The following ST3GAL4 variants were observed in gnomAD, a reference collection of about 807,000 sequenced individuals.
ST3GAL4 encodes CMP-N-acetylneuraminate-beta-galactosamide-alpha-2,3-sialyltransferase 4.
ST3GAL4 carries 24 observed loss-of-function variants against 42.6 expected under a neutral mutation model. That is an observed-to-expected ratio of 0.56 (90% confidence interval 0.41 to 0.79). ST3GAL4 has a LOEUF of 0.79. ST3GAL4 is among the 30% of genes least tolerant of loss of function. ST3GAL4 has a pLI of 0.00. For synonymous variants in ST3GAL4, 135 were observed against 163.2 expected (o/e 0.83, Z 1.32); for missense variants, 311 against 430.8 (o/e 0.72, Z 2.46).
chr11:126,360,487 G>C (rs982926547), intron 1 of ST3GAL4, among the ~76,000 whole-genome samples: 1 of 152,174 alleles, frequency 6.6e-6, no homozygotes, highest in Non-Finnish European at 1.5e-5. Flanking sequence ...GCAGTGGCGC[G>C]ATCTCGGCTA....
intron 9 of ST3GAL4, 100 bp from the exon 10 acceptor site, chr11:126,413,405 C>A: frequency 6.8e-7 from 1 of 1,466,234 alleles, no homozygotes; most frequent in Non-Finnish European, 9.1e-7. Context: ...AGATGGAGAA[C>A]GTTTCCGTGA....
At chr11:126,358,075 C>T (rs575944492) in intron 1 of ST3GAL4, among the ~76,000 whole-genome samples, 90 of 152,350 alleles carry the variant, frequency 5.9e-4, no homozygotes, top group Admixed American at 1.0e-3. Context: ...TCAAGGCAGC[C>T]GCTAGAGCCT....
rs201046515 is a variant in ST3GAL4, at chr11:126,371,138, ATCTAT to A, written c.-61+15305_-61+15309del. Among the ~76,000 whole-genome samples, 799 of 128,294 alleles carry A rather than the reference ATCTAT, an allele frequency of 6.2e-3. 1 individual carries two copies. Among genetic ancestry groups the A allele is most frequent in the Non-Finnish European group, 0.01 (612 of 60,724 alleles). 84.2% of individuals were successfully genotyped at this position (128,294 alleles called of 152,430 possible). A position where few individuals can be genotyped will look rare whatever the true frequency, so the allele number is the denominator to read the frequency against. Reference sequence around the variant, plus strand: ...ATAGAACTAAAGATGTGCTACTATGATCTATTCTATTCTTCCCCACATTCCTTTTT... The same window carrying A: ...ATAGAACTAAAGATGTGCTACTATGATCTATTCTTCCCCACATTCCTTTTT... On this transcript the variant is annotated intron_variant, in intron 1 of 10. Transcript: ENST00000444328.
chr11:126,371,163 C>CTTATTT (rs1555082244), intron 1 of ST3GAL4, among the ~76,000 whole-genome samples: 1 of 59,974 alleles, frequency 1.7e-5, no homozygotes. Flanking sequence ...CCCCACATTC[C>CTTATTT]TTTTTTTTTT....
At chr11:126,403,848 C>A (rs1954113516) in intron 1 of ST3GAL4, among the ~76,000 whole-genome samples, 2 of 152,296 alleles carry the variant, frequency 1.3e-5, no homozygotes, top group Admixed American at 1.3e-4. Context: ...CTGCCCTGCA[C>A]CCCATCTGGC....
Position 126,406,779 on chromosome 11 carries a change from G to T in ST3GAL4, c.102-164G>T. On this transcript the variant is annotated intron_variant, in intron 3 of 10. Coordinates refer to ENST00000444328, the MANE Select transcript of ST3GAL4 (RefSeq NM_001254757.2). The surrounding 1 kb of genome is among the most constrained non-coding windows in gnomAD (Gnocchi z 5.4). ...CACCCAGGGAGTGCAGGGGCAGGAA[G>T]ACCTGGATCCTCAAGGACTTGGGTT... 2.2e-6 allele frequency: 2 copies of T among 925,540 alleles called. No homozygotes were observed. Among genetic ancestry groups the T allele is most frequent in the Non-Finnish European group, 3.3e-6 (2 of 608,700 alleles). The allele number at this position is 925,540 out of a possible 1,614,324, so 57.3% of individuals were successfully genotyped here. A position where few individuals can be genotyped will look rare whatever the true frequency, so the allele number is the denominator to read the frequency against.
In ST3GAL4 at chr11:126,411,958, G is replaced by A. The variant is rs929192315; in HGVS notation, c.772-1547G>A. 1.3e-5 allele frequency among the ~76,000 whole-genome samples: 2 copies of A among 152,062 alleles called. No individual in the cohort carries two copies. Among genetic ancestry groups the A allele is most frequent in the African/African-American group, 4.8e-5 (2 of 41,378 alleles). On this transcript the variant is annotated intron_variant, in intron 9 of 10. Coordinates refer to ENST00000444328, the MANE Select transcript of ST3GAL4 (RefSeq NM_001254757.2). The surrounding 1 kb of genome is among the most constrained non-coding windows in gnomAD (Gnocchi z 6.3). ...CGTCACGTAATCGCATCATATTCAC[G>A]GGCTCCCCACACGCGCAAGGGAGGA...
chr11:126,408,619 C>A, intron 8 of ST3GAL4, 123 bp downstream of exon 8: 1 of 1,233,394 alleles, frequency 8.1e-7, no homozygotes, highest in Non-Finnish European at 1.1e-6. Context: ...CAGCATGAAC[C>A]GGGCTCCCGG....
rs968456481 is a variant in ST3GAL4, at chr11:126,378,244, C to T, written c.-61+22402C>T. On this transcript the variant is annotated intron_variant, in intron 1 of 10. Coordinates refer to ENST00000444328, the MANE Select transcript of ST3GAL4 (RefSeq NM_001254757.2). This position sits in a 1 kb window ranked among gnomAD's most constrained non-coding sequence, Gnocchi z 5.3. ...TCGATAGAAAGGGTCAAAGTGCATCCTATTACCCACGAGTTGGGGGTGATA... is the reference window on the plus strand; with the variant it reads ...TCGATAGAAAGGGTCAAAGTGCATCTTATTACCCACGAGTTGGGGGTGATA... 6.6e-6 allele frequency among the ~76,000 whole-genome samples: 1 copy of T among 152,168 alleles called. No homozygotes were observed. The highest frequency in any genetic ancestry group is 1.5e-5 in the Non-Finnish European group (1 of 68,036).
chr11:126,360,341 A>G (rs146338620), intron 1 of ST3GAL4, among the ~76,000 whole-genome samples: 201 of 152,324 alleles, frequency 1.3e-3, no homozygotes, highest in African/African-American at 4.6e-3. Flanking sequence ...GACTGTGGGT[A>G]TGCGCCACCA....
intron 1 of ST3GAL4, among the ~76,000 whole-genome samples, chr11:126,387,170 A>G (rs1426899612): frequency 6.6e-6 from 1 of 152,150 alleles, no homozygotes; most frequent in Non-Finnish European, 1.5e-5. Context: ...TTGGAGCTAC[A>G]TTGTCTGCTC....
In ST3GAL4 at chr11:126,359,905, G is replaced by C. The variant is rs1157316803; in HGVS notation, c.-61+4063G>C. ...GGCTGCAAGGCAACCACGGCCACAC[G>C]TGGGGAAGGGGAGGGGCCCTATGGG... On this transcript the variant is annotated intron_variant, in intron 1 of 10. Coordinates refer to ENST00000444328, the MANE Select transcript of ST3GAL4 (RefSeq NM_001254757.2). This position sits in a 1 kb window ranked among gnomAD's most constrained non-coding sequence, Gnocchi z 4.8. 6.6e-6 allele frequency among the ~76,000 whole-genome samples: 1 copy of C among 152,246 alleles called. No individual in the cohort carries two copies. The highest frequency in any genetic ancestry group is 1.5e-5 in the Non-Finnish European group (1 of 68,048).
At chr11:126,372,084 G>A (rs10893499) in intron 1 of ST3GAL4, among the ~76,000 whole-genome samples, 25,023 of 152,106 alleles carry the variant, frequency 0.16, 2,217 homozygotes, top group East Asian at 0.36. Context: ...CCTGTTGACC[G>A]TCTTAACCCT....
rs1418312975 is a variant in ST3GAL4, at chr11:126,383,452, A to C, written c.-60-22644A>C. On this transcript the variant is annotated intron_variant, in intron 1 of 10. Transcript: ENST00000444328. The surrounding 1 kb of genome is among the most constrained non-coding windows in gnomAD (Gnocchi z 4.5). ...AGCAGCAGCAGCAGCAGCTGAGCCCAGCCCCCGGCCAGCCCTGAGGAATGG... is the reference window on the plus strand; with the variant it reads ...AGCAGCAGCAGCAGCAGCTGAGCCCCGCCCCCGGCCAGCCCTGAGGAATGG... Among the ~76,000 whole-genome samples, 6 of 152,056 alleles carry C rather than the reference A, an allele frequency of 3.9e-5. No homozygotes were observed. Among genetic ancestry groups the C allele is most frequent in the Non-Finnish European group, 7.4e-5 (5 of 68,006 alleles).
rs371440707 is a variant in ST3GAL4 at position 126,375,305 on chromosome 11, C to T, written c.-61+19463C>T. On this transcript the variant is annotated intron_variant, in intron 1 of 10. Transcript: ENST00000444328. ...CTAGAGACTGTGTCTCGTGCGGAAG[C>T]GTGGCTGAGGAGGGGCTTGACAGGC... 2.4e-4 allele frequency among the ~76,000 whole-genome samples: 36 copies of T among 152,272 alleles called. 1 individual carries two copies. The East Asian group carries it at 3.3e-3, about 14-fold the overall frequency.
At position 126,383,627 on chromosome 11, in the gene ST3GAL4, G is replaced by A. The variant is rs1312754260; in HGVS notation, c.-60-22469G>A. On this transcript the variant is annotated intron_variant, in intron 1 of 10. Coordinates refer to ENST00000444328, the MANE Select transcript of ST3GAL4 (RefSeq NM_001254757.2). This position sits in a 1 kb window ranked among gnomAD's most constrained non-coding sequence, Gnocchi z 4.5. ...ACCAAGCTTGCGGGCGCCTGAGTAT[G>A]GACTAGTGTGTTTGTGCTGGAGGAG... 2.0e-5 allele frequency among the ~76,000 whole-genome samples: 3 copies of A among 152,154 alleles called. No individual in the cohort carries two copies. Among genetic ancestry groups the A allele is most frequent in the Non-Finnish European group, 2.9e-5 (2 of 68,024 alleles).
intron 1 of ST3GAL4, among the ~76,000 whole-genome samples, chr11:126,404,958 GAA>G: frequency 6.6e-6 from 1 of 152,236 alleles, no homozygotes; most frequent in Non-Finnish European, 1.5e-5. Flanking sequence ...CAGCCCCTAT[GAA>G]AACATGGAAA....
At chr11:126,360,892 A>G (rs2135372050) in intron 1 of ST3GAL4, among the ~76,000 whole-genome samples, 1 of 152,336 alleles carries the variant, frequency 6.6e-6, no homozygotes, top group South Asian at 2.1e-4. Context: ...GGGCAAAGGG[A>G]AAAAGTTTCC....
chr11:126,390,091 G>A (rs1278948440), intron 1 of ST3GAL4, among the ~76,000 whole-genome samples: 5 of 82,726 alleles, frequency 6.0e-5, no homozygotes, highest in Non-Finnish European at 1.1e-4. Flanking sequence ...GCTGAGGCAG[G>A]AGAATAGCGT....
Sources: allele counts gnomAD v4.1 joint callset (sites outside exome capture counted in the v4.1 genomes callset), GRCh38; gene constraint gnomAD v4.1.1; non-coding constraint Gnocchi (gnomAD v3.1); transcripts MANE v1.5; gene names NCBI Gene and HGNC (gene_info 2026-07-23, HGNC 2026-07-21).